The following EXD3 variants were observed in gnomAD, a reference collection of about 807,000 sequenced individuals.
The protein encoded by EXD3 is exonuclease 3'-5' domain containing 3.
EXD3 carries 92 observed loss-of-function variants against 98.0 expected under a neutral mutation model. That is an observed-to-expected ratio of 0.94 (90% confidence interval 0.79 to 1.12). EXD3 has a LOEUF of 1.12. EXD3 is among the 50% of genes most tolerant of loss of function. The probability of loss-of-function intolerance (pLI) is 0.00; values close to 1 mark genes in which losing one functional copy is unlikely to be tolerated. For missense variants in EXD3, 1,222 were observed against 1,191.6 expected, an observed-to-expected ratio of 1.03 and a Z score of -0.38; for synonymous variants, 569 against 526.0, an observed-to-expected ratio of 1.08 and a Z score of -1.12.
chr9:137,369,244 G>A (rs1835463456), intron 5 of EXD3, among the ~76,000 whole-genome samples: 1 of 151,888 alleles, frequency 6.6e-6, no homozygotes, highest in African/African-American at 2.4e-5. Context: ...TGGGCTTACG[G>A]CTGTGAGCAT....
In EXD3 at chr9:137,366,074, C is replaced by G. The variant is rs1252663691; in HGVS notation, c.656+419G>C. 7.5e-5 allele frequency: 51 copies of G among 684,094 alleles called. No individual in the cohort carries two copies. The East Asian group carries it at 1.4e-3, about 19-fold the overall frequency. The allele number at this position is 684,094 out of a possible 1,614,324, so 42.4% of individuals were successfully genotyped here. ...TGCACATGGCTTCCCTGAATCCATA[C>G]AGGCACCATATGGGCTCCTTGTCAG... On this transcript the variant is annotated intron_variant, in intron 7 of 21. Transcript: ENST00000340951.
chr9:137,389,487 C>T (rs994881746), intron 2 of EXD3, among the ~76,000 whole-genome samples: 1 of 152,158 alleles, frequency 6.6e-6, no homozygotes, highest in African/African-American at 2.4e-5. Context: ...TAAGCCCAAG[C>T]TGCCTCTGCT....
chr9:137,375,431 A>C (rs931447849), intron 3 of EXD3, among the ~76,000 whole-genome samples: 11 of 149,748 alleles, frequency 7.3e-5, no homozygotes, highest in Admixed American at 2.7e-4. Context: ...CTAGTGAGTT[A>C]CAGTTCTAGT....
chr9:137,348,325 C>G, intron 16 of EXD3, 87 bp from the exon 17 acceptor site: 1 of 1,365,346 alleles, frequency 7.3e-7, no homozygotes, highest in Non-Finnish European at 9.9e-7. Flanking sequence ...GCTGTGTGGC[C>G]AGCACTCTGT....
rs1225184238 is a variant in EXD3, at chr9:137,324,070, C to T, written c.2052+20G>A. 5 of 1,578,628 alleles carry T rather than the reference C, an allele frequency of 3.2e-6. No homozygotes were observed. The highest frequency in any genetic ancestry group is 1.7e-4 in the Middle Eastern group (1 of 6,024). On this transcript the variant is annotated intron_variant, in intron 18 of 21. Coordinates refer to ENST00000340951, the MANE Select transcript of EXD3 (RefSeq NM_017820.5). This position sits in a 1 kb window ranked among gnomAD's most constrained non-coding sequence, Gnocchi z 4.1. ...GAAGATGGGGCTCAGGCCCACTGAGCTTATCTTTGGGACACTCACCTTGTG... is the reference window on the plus strand; with the variant it reads ...GAAGATGGGGCTCAGGCCCACTGAGTTTATCTTTGGGACACTCACCTTGTG...
chr9:137,337,659 A>G lies in EXD3; in HGVS notation c.1998+10412T>C, dbSNP rs528479719. ...GAGCGAGATTTCTTCTCAAAAAAAA[A>G]GATGTTTTGAACGACACATTTGGCA... On this transcript the variant is annotated intron_variant, in intron 17 of 21. Transcript: ENST00000340951. Among the ~76,000 whole-genome samples, 15 of 151,912 alleles carry G rather than the reference A, an allele frequency of 9.9e-5. No individual in the cohort carries two copies. In the South Asian group the frequency reaches 2.7e-3, roughly 27 times the overall value.
At chr9:137,354,065 T>C (rs1435916369) in intron 10 of EXD3, 1 of 1,218,480 alleles carries the variant, frequency 8.2e-7, no homozygotes, top group African/African-American at 1.6e-5. Flanking sequence ...CACAGGCAGC[T>C]CCGCTGGGTT....
intron 17 of EXD3, among the ~76,000 whole-genome samples, chr9:137,325,984 G>T (rs113711770): frequency 3.6e-4 from 54 of 151,882 alleles, no homozygotes; most frequent in African/African-American, 1.1e-3. Flanking sequence ...GGAAGTCGAC[G>T]TGGGATGATC....
At chr9:137,397,052 T>C (rs915024432) in intron 1 of EXD3, among the ~76,000 whole-genome samples, 2 of 152,018 alleles carry the variant, frequency 1.3e-5, no homozygotes, top group Non-Finnish European at 2.9e-5. Context: ...CCCCCGAGCC[T>C]CCCAGGACCC....
chr9:137,336,008 G>A (rs773644715), intron 17 of EXD3, among the ~76,000 whole-genome samples: 2 of 152,116 alleles, frequency 1.3e-5, no homozygotes, highest in Non-Finnish European at 2.9e-5. Flanking sequence ...GGATCTGGAG[G>A]CCATTATTCT....
chr9:137,321,589 G>A (rs1286159785), intron 19 of EXD3, among the ~76,000 whole-genome samples: 1 of 152,124 alleles, frequency 6.6e-6, no homozygotes, highest in African/African-American at 2.4e-5. Flanking sequence ...AGCCTGAGGT[G>A]GGAGAATTGC....
intron 20 of EXD3, among the ~76,000 whole-genome samples, chr9:137,308,487 G>A (rs1253944860): frequency 1.3e-5 from 2 of 152,076 alleles, no homozygotes; most frequent in Non-Finnish European, 2.9e-5. Flanking sequence ...GTGCCGTCAT[G>A]TCCTGGGGCT....
rs181367507 is a variant in EXD3, at chr9:137,379,809, G to C, written c.120+3504C>G. Among the ~76,000 whole-genome samples the C allele has an allele frequency of 2.0e-3, 298 of 152,060 alleles. 1 individual carries two copies. The highest frequency in any genetic ancestry group is 7.0e-3 in the African/African-American group (290 of 41,426). ...TTCTGCAGCACCCGTTCTAACCACA[G>C]CCCGCCTTCCCTCACTCCTGCTTCA... On this transcript the variant is annotated intron_variant, in intron 3 of 21. Transcript: ENST00000340951.
At chr9:137,387,127 C>T (rs1427516915) in intron 2 of EXD3, among the ~76,000 whole-genome samples, 4 of 149,940 alleles carry the variant, frequency 2.7e-5, no homozygotes, top group Non-Finnish European at 5.9e-5. Context: ...CTGCCTCCCT[C>T]AGCGCCTCTG....
chr9:137,308,333 A>T (rs1258963474), intron 20 of EXD3, among the ~76,000 whole-genome samples: 1 of 151,856 alleles, frequency 6.6e-6, no homozygotes, highest in African/African-American at 2.4e-5. Flanking sequence ...CCACGCCCCC[A>T]CCCCAGCCCC....
At chr9:137,330,513 CGCAGGACCACACAGGAGCT>C (rs1832998232) in intron 17 of EXD3, among the ~76,000 whole-genome samples, 1 of 143,486 alleles carries the variant, frequency 7.0e-6, no homozygotes, top group East Asian at 2.1e-4. Flanking sequence ...CACAGGACTA[CGCAGGACCACACAGGAGCT>C]ATACAGGAGC....
At chr9:137,386,991 A>C (rs1588402303) in intron 2 of EXD3, among the ~76,000 whole-genome samples, 1 of 81,894 alleles carries the variant, frequency 1.2e-5, no homozygotes, top group Non-Finnish European at 2.4e-5. Context: ...TGCCTCCCTC[A>C]GCACCCCCGC....
chr9:137,367,920 T>C lies in EXD3; in HGVS notation c.516+16A>G, dbSNP rs764242875. ...CAAGTTTGAACCTAAACAATTTACA[T>C]GAGAAAGACGTTCACCTTTTCAACG... On this transcript the variant is annotated intron_variant, in intron 6 of 21. Transcript: ENST00000340951. 1 of 1,611,356 alleles carries C rather than the reference T, an allele frequency of 6.2e-7. No individual in the cohort carries two copies. Among genetic ancestry groups the C allele is most frequent in the Non-Finnish European group, 8.5e-7 (1 of 1,178,992 alleles).
chr9:137,388,445 C>A (rs955288500), intron 2 of EXD3, among the ~76,000 whole-genome samples: 2 of 152,182 alleles, frequency 1.3e-5, no homozygotes, highest in South Asian at 4.1e-4. Flanking sequence ...GCTGCCTTCA[C>A]CTTGAGACAC....
Sources: allele counts gnomAD v4.1 joint callset (sites outside exome capture counted in the v4.1 genomes callset), GRCh38; gene constraint gnomAD v4.1.1; non-coding constraint Gnocchi (gnomAD v3.1); transcripts MANE v1.5; gene names NCBI Gene and HGNC (gene_info 2026-07-23, HGNC 2026-07-21).